Variants in RNF180 observed in about 807,000 individuals in gnomAD.
The protein encoded by RNF180 is ring finger protein 180, also known as E3 ubiquitin-protein ligase RNF180.
In RNF180, 38 loss-of-function variants were observed where a neutral mutation model predicts 59.2. The ratio of observed to expected loss-of-function variants is 0.64; its 90% CI spans 0.50 to 0.84. RNF180 has a LOEUF of 0.84. Ranked by LOEUF, RNF180 falls within the 40% of genes least tolerant of loss-of-function variation. The pLI, the probability that RNF180 is intolerant of heterozygous loss-of-function variation, is 0.00. For missense variants in RNF180, 705 were observed against 700.9 expected, an observed-to-expected ratio of 1.01 and a Z score of -0.07; for synonymous variants, 262 against 240.3, an observed-to-expected ratio of 1.09 and a Z score of -0.84.
intron 5 of RNF180, among the ~76,000 whole-genome samples, chr5:64,244,701 A>C (rs1424253393): frequency 1.3e-5 from 2 of 152,206 alleles, no homozygotes; most frequent in Non-Finnish European, 2.9e-5. Context: ...CCAACCTAGC[A>C]AGACAGGCCA....
chr5:64,188,898 C>T (rs1255167957), intron 1 of RNF180, among the ~76,000 whole-genome samples: 1 of 152,058 alleles, frequency 6.6e-6, no homozygotes, highest in Non-Finnish European at 1.5e-5. Context: ...CCTTAACTCC[C>T]AATGTGACTA....
At chr5:64,358,979 G>T (rs539108590) in intron 7 of RNF180, among the ~76,000 whole-genome samples, 2 of 151,224 alleles carry the variant, frequency 1.3e-5, no homozygotes, top group East Asian at 2.0e-4. Context: ...ATTTTTTATG[G>T]CTGCATAGTA....
chr5:64,273,090 A>G (rs1741509447), intron 5 of RNF180, among the ~76,000 whole-genome samples: 1 of 151,860 alleles, frequency 6.6e-6, no homozygotes, highest in Admixed American at 6.6e-5. Context: ...AATGAAAGTG[A>G]CCTCAGGTTG....
At chr5:64,354,434 G>T (rs116552102) in intron 7 of RNF180, among the ~76,000 whole-genome samples, 1 of 151,682 alleles carries the variant, frequency 6.6e-6, no homozygotes, top group African/African-American at 2.4e-5. Context: ...ACTATAACAA[G>T]TAAAAAGATT....
chr5:64,352,528 T>C (rs1012828393), intron 7 of RNF180, among the ~76,000 whole-genome samples: 2 of 152,088 alleles, frequency 1.3e-5, no homozygotes, highest in African/African-American at 2.4e-5. Context: ...TGCTTTCTCT[T>C]GTGGGCATTT....
chr5:64,260,241 T>C (rs10078392), intron 5 of RNF180, among the ~76,000 whole-genome samples: 1 of 152,222 alleles, frequency 6.6e-6, no homozygotes, highest in African/African-American at 2.4e-5. Context: ...GTGGCAGTTT[T>C]TCTAGGTCTG....
chr5:64,291,834 A>G (rs1742606145), intron 5 of RNF180, among the ~76,000 whole-genome samples: 1 of 151,930 alleles, frequency 6.6e-6, no homozygotes, highest in Non-Finnish European at 1.5e-5. Flanking sequence ...TGAAGGTTTT[A>G]TTCATTCCTT....
rs141216041 is a variant in RNF180, at chr5:64,272,612, A to G, written c.1228-52574A>G. Among the ~76,000 whole-genome samples the G allele has an allele frequency of 2.3e-4, 35 of 152,176 alleles. No individual in the cohort carries two copies. In the East Asian group the frequency reaches 6.8e-3, roughly 29 times the overall value. ...TTGAAAAAAAGCATTTTGACACAGT[A>G]TGCAAAAATTATTAGATGCAAGAAA... On this transcript the variant is annotated intron_variant, in intron 5 of 7. Coordinates refer to ENST00000389100, the MANE Select transcript of RNF180 (RefSeq NM_001113561.2).
At chr5:64,182,243 G>A (rs974740336) in intron 1 of RNF180, among the ~76,000 whole-genome samples, 1 of 151,870 alleles carries the variant, frequency 6.6e-6, no homozygotes, top group Admixed American at 6.6e-5. Flanking sequence ...TGCCCGCTTT[G>A]GCCTCCCAAA....
intron 5 of RNF180, among the ~76,000 whole-genome samples, chr5:64,259,415 T>C (rs758463428): frequency 6.6e-6 from 1 of 152,094 alleles, no homozygotes; most frequent in Non-Finnish European, 1.5e-5. Context: ...CTGTTCTGAT[T>C]TAGAGAGATT....
chr5:64,182,093 C>G (rs917718608), intron 1 of RNF180, among the ~76,000 whole-genome samples: 4 of 150,208 alleles, frequency 2.7e-5, no homozygotes, highest in Admixed American at 6.7e-5. Flanking sequence ...CAGGTTCACA[C>G]CATTCTCCTG....
chr5:64,307,494 T>G (rs1743536008), intron 5 of RNF180, among the ~76,000 whole-genome samples: 1 of 151,708 alleles, frequency 6.6e-6, no homozygotes, highest in Admixed American at 6.6e-5. Context: ...CTTAAAAAGC[T>G]AAGTATGAGT....
intron 1 of RNF180, among the ~76,000 whole-genome samples, chr5:64,197,558 C>A (rs551535167): frequency 1.3e-5 from 2 of 151,954 alleles, no homozygotes; most frequent in Non-Finnish European, 2.9e-5. Context: ...CATATAGATG[C>A]AAAAAACCTG....
At chr5:64,191,905 G>C (rs1751179307) in intron 1 of RNF180, among the ~76,000 whole-genome samples, 2 of 152,128 alleles carry the variant, frequency 1.3e-5, no homozygotes, top group Non-Finnish European at 2.9e-5. Context: ...TTTTCTTCCA[G>C]GAGTTTTACA....
intron 2 of RNF180, 57 bp from the exon 3 acceptor site, chr5:64,212,008 C>T (rs1305461747): frequency 1.0e-6 from 1 of 1,000,518 alleles, no homozygotes. Flanking sequence ...AAATATGAAA[C>T]CTGTGAAATA....
Position 64,213,775 on chromosome 5 carries a change from A to G in RNF180, c.449A>G (p.Glu150Gly). ...HPRVQSGCDK[E>G]ALLTGGGSEN... ...AGAGTTCAGTCAGGTTGTGACAAGG[A>G]AGCTCTGCTGACAGGTGGTGGCTCT... Residue 150 changes from glutamate to glycine, a missense_variant, in exon 4 of 8, where the codon GAA (glutamate) becomes GGA (glycine). Glu to Gly is a moderately conservative substitution (Grantham distance 98). Transcript: ENST00000389100. The G allele has an allele frequency of 6.2e-7, 1 of 1,614,188 alleles. No homozygotes were observed.
intron 4 of RNF180, 115 bp from the exon 5 acceptor site, chr5:64,217,242 TTATC>T (rs1328959850): frequency 1.7e-6 from 2 of 1,175,244 alleles, no homozygotes; most frequent in African/African-American, 1.6e-5. Flanking sequence ...GATCCACAGT[TTATC>T]CATTCAGCTG....
intron 1 of RNF180, among the ~76,000 whole-genome samples, chr5:64,185,793 G>T (rs968826198): frequency 6.6e-6 from 1 of 152,194 alleles, no homozygotes; most frequent in Non-Finnish European, 1.5e-5. Context: ...AGTAGAGGAA[G>T]AATCAGATGT....
intron 5 of RNF180, among the ~76,000 whole-genome samples, chr5:64,321,959 G>A (rs1208656626): frequency 6.6e-6 from 1 of 152,148 alleles, no homozygotes; most frequent in Non-Finnish European, 1.5e-5. Flanking sequence ...CTAGCCATAT[G>A]CAGAAAACAA....
Sources: gnomAD v4.1 joint callset for allele counts (sites outside exome capture counted in the v4.1 genomes callset) on GRCh38, gnomAD v4.1.1 for gene constraint, MANE v1.5 for transcripts, NCBI Gene and HGNC (gene_info 2026-07-23, HGNC 2026-07-21) for gene names.